NALF1: variants seen among roughly 807,000 people sequenced by gnomAD.
The protein encoded by NALF1 is NALCN channel auxiliary factor 1.
A neutral mutation model predicts 48.4 loss-of-function variants in NALF1; 3 were observed. The ratio of observed to expected loss-of-function variants is 0.06; its 90% CI spans 0.03 to 0.16. The LOEUF is 0.16. Among genes scored for constraint, NALF1 ranks in the 10% least tolerant of loss-of-function variants. The pLI is 1.00. For synonymous variants in NALF1, 262 were observed against 245.7 expected, an observed-to-expected ratio of 1.07 and a Z score of -0.62; for missense variants, 526 against 571.5, an observed-to-expected ratio of 0.92 and a Z score of 0.81.
chr13:107,315,812 T>C (rs1421377231), intron 1 of NALF1, among the ~76,000 whole-genome samples: 1 of 151,064 alleles, frequency 6.6e-6, no homozygotes, highest in Non-Finnish European at 1.5e-5. Context: ...TCTTCCAAGG[T>C]AATAAAAATG....
At chr13:107,633,751 T>C (rs1594173350) in intron 1 of NALF1, among the ~76,000 whole-genome samples, 1 of 147,642 alleles carries the variant, frequency 6.8e-6, no homozygotes, top group East Asian at 2.0e-4. Context: ...GAAACACATA[T>C]ATATGGAAAA....
intron 1 of NALF1, among the ~76,000 whole-genome samples, chr13:107,240,949 A>C (rs1594085132): frequency 6.6e-6 from 1 of 151,642 alleles, no homozygotes; most frequent in Non-Finnish European, 1.5e-5. Context: ...TGGGAAATTT[A>C]AAAAGAACTG....
chr13:107,677,239 G>T (rs1281595641), intron 1 of NALF1, among the ~76,000 whole-genome samples: 1 of 152,114 alleles, frequency 6.6e-6, no homozygotes, highest in African/African-American at 2.4e-5. Flanking sequence ...TAGAAACAGG[G>T]TTTGTCATGT....
At chr13:107,443,845 A>C (rs1269103673) in intron 1 of NALF1, among the ~76,000 whole-genome samples, 1 of 152,158 alleles carries the variant, frequency 6.6e-6, no homozygotes, top group Non-Finnish European at 1.5e-5. Flanking sequence ...TTTGTTTGTA[A>C]ATGTGCTTAA....
chr13:107,622,632 G>C (rs1389295993), intron 1 of NALF1, among the ~76,000 whole-genome samples: 1 of 152,046 alleles, frequency 6.6e-6, no homozygotes, highest in Admixed American at 6.5e-5. Flanking sequence ...TCACCCCAGG[G>C]GCTTGCAAAT....
chr13:107,770,145 C>T (rs1157408649), intron 1 of NALF1, among the ~76,000 whole-genome samples: 1 of 152,148 alleles, frequency 6.6e-6, no homozygotes, highest in African/African-American at 2.4e-5. Context: ...GATCTCCTGA[C>T]CTCGTGATCC....
intron 1 of NALF1, among the ~76,000 whole-genome samples, chr13:107,223,833 C>T (rs1880043875): frequency 6.6e-6 from 1 of 152,132 alleles, no homozygotes; most frequent in Non-Finnish European, 1.5e-5. Flanking sequence ...TCTTTGAACC[C>T]ATCCCTGCAA....
At chr13:107,818,450 G>T (rs1191924364) in intron 1 of NALF1, among the ~76,000 whole-genome samples, 1 of 152,162 alleles carries the variant, frequency 6.6e-6, no homozygotes, top group African/African-American at 2.4e-5. Context: ...TTGGAAGGGG[G>T]TTTGTGGAGG....
chr13:107,825,380 T>A (rs1879484403), intron 1 of NALF1, among the ~76,000 whole-genome samples: 1 of 152,230 alleles, frequency 6.6e-6, no homozygotes, highest in African/African-American at 2.4e-5. Context: ...ATTTTTCATA[T>A]CAAATGTCAT....
At chr13:107,390,011 T>C (rs1883596193) in intron 1 of NALF1, among the ~76,000 whole-genome samples, 1 of 152,142 alleles carries the variant, frequency 6.6e-6, no homozygotes, top group Non-Finnish European at 1.5e-5. Flanking sequence ...AATATAGCTA[T>C]ATCTACCTCA....
chr13:107,394,686 T>A (rs1434760657), intron 1 of NALF1, among the ~76,000 whole-genome samples: 2 of 152,290 alleles, frequency 1.3e-5, no homozygotes, highest in African/African-American at 2.4e-5. Context: ...ATTATTAGAC[T>A]TTTTCTCATA....
rs145799754 is a variant in NALF1 at position 107,551,646 on chromosome 13, G to A, written c.915+314036C>T. On this transcript the variant is annotated intron_variant, in intron 1 of 2. Coordinates refer to ENST00000375915, the MANE Select transcript of NALF1 (RefSeq NM_001080396.3). The stretch of plus-strand genomic sequence containing the variant: ...GCTGTCATCTTTATAATCATAATCT[G>A]AGGAGTGATTCATATAATTTCTGGA... Among the ~76,000 whole-genome samples the A allele has an allele frequency of 3.6e-3, 554 of 152,062 alleles. 4 individuals are homozygous for A. Among genetic ancestry groups the A allele is most frequent in the African/African-American group, 0.013 (521 of 41,504 alleles).
At chr13:107,823,977 G>GTTGTTATTA (rs1555328217) in intron 1 of NALF1, among the ~76,000 whole-genome samples, 3 of 148,786 alleles carry the variant, frequency 2.0e-5, no homozygotes, top group Non-Finnish European at 4.5e-5. Flanking sequence ...TACCATTGCT[G>GTTGTTATTA]TTATTATTAT....
intron 2 of NALF1, among the ~76,000 whole-genome samples, chr13:107,184,787 CTTT>C (rs1296834162): frequency 1.3e-5 from 2 of 151,954 alleles, no homozygotes; most frequent in Non-Finnish European, 2.9e-5. Context: ...TCCTGTTTTC[CTTT>C]TTTATGTCAA....
intron 1 of NALF1, among the ~76,000 whole-genome samples, chr13:107,240,941 G>A (rs1029330624): frequency 6.6e-6 from 1 of 150,726 alleles, no homozygotes; most frequent in Non-Finnish European, 1.5e-5. Context: ...CCTGAGACTG[G>A]GAAATTTAAA....
At chr13:107,591,331 CT>C (rs1878597701) in intron 1 of NALF1, among the ~76,000 whole-genome samples, 1 of 151,974 alleles carries the variant, frequency 6.6e-6, no homozygotes, top group South Asian at 2.1e-4. Context: ...AATACGTATT[CT>C]GCACATAATA....
chr13:107,383,757 C>A (rs749189056), intron 1 of NALF1, among the ~76,000 whole-genome samples: 8 of 152,092 alleles, frequency 5.3e-5, no homozygotes, highest in Non-Finnish European at 8.8e-5. Context: ...TAAACAAGAA[C>A]AAATTCATGG....
At chr13:107,453,939 A>G (rs1036340807) in intron 1 of NALF1, among the ~76,000 whole-genome samples, 1 of 152,314 alleles carries the variant, frequency 6.6e-6, no homozygotes, top group East Asian at 1.9e-4. Flanking sequence ...GGATCTCTAG[A>G]ACAAGGGCAA....
rs376057788 is a variant in NALF1, at chr13:107,219,914, G to C, written c.916-9159C>G. Among the ~76,000 whole-genome samples the C allele has an allele frequency of 8.5e-5, 13 of 152,264 alleles. 1 individual carries two copies. In the South Asian group the frequency reaches 2.1e-3, roughly 24 times the overall value. On this transcript the variant is annotated intron_variant, in intron 1 of 2. Transcript: ENST00000375915. Reference sequence around the variant, plus strand: ...ACTATAGTTAGTTATCTAAGAATCTGATACTTTTACATAGCTGTGCACATT... The same window carrying C: ...ACTATAGTTAGTTATCTAAGAATCTCATACTTTTACATAGCTGTGCACATT...
Sources: gnomAD v4.1 joint callset for allele counts (sites outside exome capture counted in the v4.1 genomes callset) on GRCh38, gnomAD v4.1.1 for gene constraint, MANE v1.5 for transcripts, NCBI Gene and HGNC (gene_info 2026-07-23, HGNC 2026-07-21) for gene names.